Variants in CC2D1B observed in about 807,000 individuals in gnomAD.
CC2D1B encodes the protein coiled-coil and C2 domain-containing protein 1B.
Under a neutral mutation model 110.8 loss-of-function variants are expected in CC2D1B, and 92 were observed. That is an observed-to-expected ratio of 0.83 (90% CI 0.70 to 0.99). CC2D1B has a LOEUF of 0.99. Ranked by LOEUF, CC2D1B falls within the 50% of genes least tolerant of loss-of-function variation. The pLI is 0.00. For missense variants in CC2D1B, 1,136 were observed against 1,089.0 expected, an observed-to-expected ratio of 1.04 and a Z score of -0.61; for synonymous variants, 406 against 429.2, an observed-to-expected ratio of 0.95 and a Z score of 0.67.
In CC2D1B at chr1:52,362,740, G is replaced by GCC. The variant is rs1557555957; in HGVS notation, c.74_75dup (p.Leu26GlyfsTer82). 6.2e-7 allele frequency: 1 copy of GCC among 1,613,874 alleles called. No homozygotes were observed. The highest frequency in any genetic ancestry group is 1.7e-5 in the Admixed American group (1 of 59,996). On this transcript the variant is annotated frameshift_variant, in exon 3 of 25. Coordinates refer to ENST00000284376, the MANE Select transcript of CC2D1B (RefSeq NM_001330585.2). LOFTEE classifies it high-confidence loss of function. ...TCCTCAGGGCCAAACTCCATAAAGA[G>GCC]CCCCATCTGAGAGCAGAGCAGGACT...
At chr1:52,354,504 A>C (rs756159261) in intron 23 of CC2D1B, 104 bp downstream of exon 23, 1 of 961,692 alleles carries the variant, frequency 1.0e-6, no homozygotes, top group East Asian at 2.4e-5. Flanking sequence ...GGAGAATTTC[A>C]AATTAAGTAA....
rs535099230 is a variant in CC2D1B, at chr1:52,355,925, G to A, written c.2055-81C>T. On this transcript the variant is annotated intron_variant, in intron 18 of 24. Coordinates refer to ENST00000284376, the MANE Select transcript of CC2D1B (RefSeq NM_001330585.2). ...AGGTCCCTTCGTCCAGGGCCTGTCT[G>A]CCCAGCTGGGTGGTGACGGGAGGGA... 111 of 1,421,616 alleles carry A rather than the reference G, an allele frequency of 7.8e-5. No homozygotes were observed. In the South Asian group the frequency reaches 1.2e-3, roughly 15 times the overall value. 88.1% of individuals were successfully genotyped at this position (1,421,616 alleles called of 1,614,324 possible).
Position 52,361,617 on chromosome 1 carries a change from C to T in CC2D1B, c.215-1G>A, listed in dbSNP as rs1646784931. ...TCGATGTGGGCCATGGGCAGGGGGG[C>T]TGGGGGAAAAAGGTCACAACAAGTC... is the stretch of plus-strand genomic sequence containing the variant. On this transcript the variant is annotated splice_acceptor_variant, in intron 3 of 24. Coordinates refer to ENST00000284376, the MANE Select transcript of CC2D1B (RefSeq NM_001330585.2). LOFTEE classifies it high-confidence loss of function. 1.2e-6 allele frequency: 2 copies of T among 1,613,536 alleles called. No homozygotes were observed. Among genetic ancestry groups the T allele is most frequent in the South Asian group, 1.1e-5 (1 of 91,088 alleles).
At chr1:52,362,800 G>A (rs1263032405) in intron 2 of CC2D1B, 54 bp from the exon 3 acceptor site, 1 of 1,587,394 alleles carries the variant, frequency 6.3e-7, no homozygotes. Context: ...GTAGGGTCCA[G>A]CTCCAGAGCC....
At chr1:52,356,476 CAG>C (rs1451031428) in intron 16 of CC2D1B, 34 bp from the exon 17 acceptor site, 7 of 1,612,606 alleles carry the variant, frequency 4.3e-6, no homozygotes, top group African/African-American at 1.3e-5. Context: ...CTCCCGAGCC[CAG>C]AGCAGGACCT....
rs887775562 is a variant in CC2D1B, at chr1:52,354,476, T to A, written c.2430+132A>T. 4.8e-6 allele frequency: 4 copies of A among 830,014 alleles called. No homozygotes were observed. In the African/African-American group the frequency reaches 6.7e-5, roughly 14 times the overall value. 51.4% of individuals were successfully genotyped at this position (830,014 alleles called of 1,614,324 possible). ...CCATCTGTGAAATGAGGATTCCACCTACTCTAAGCACACTTGTGGAGAATT... is the reference window on the plus strand; with the variant it reads ...CCATCTGTGAAATGAGGATTCCACCAACTCTAAGCACACTTGTGGAGAATT... On this transcript the variant is annotated intron_variant, in intron 23 of 24. Coordinates refer to ENST00000284376, the MANE Select transcript of CC2D1B (RefSeq NM_001330585.2).
chr1:52,357,126 C>G lies in CC2D1B; in HGVS notation c.1753G>C (p.Val585Leu). The G allele has an allele frequency of 2.5e-6, 4 of 1,613,958 alleles. No individual in the cohort carries two copies. The highest frequency in any genetic ancestry group is 1.1e-5 in the South Asian group (1 of 91,038). ...TCCTCATCCGTCAAGGGCGAAGGCACCTACCCAGGTCACAAGGCCCCTCGG... is the reference window on the plus strand; with the variant it reads ...TCCTCATCCGTCAAGGGCGAAGGCAGCTACCCAGGTCACAAGGCCCCTCGG... ...RSGRPVDLSK[V>L]PSPLTDEEGD... Residue 585 changes from valine (V) to leucine (L), a missense_variant and splice_region_variant, in exon 16 of 25, where the codon GTG (valine) becomes CTG (leucine). By Grantham distance (32) the Val-to-Leu change is conservative (BLOSUM62 1). Coordinates refer to ENST00000284376, the MANE Select transcript of CC2D1B (RefSeq NM_001330585.2).
In CC2D1B at chr1:52,357,713, C is replaced by T; in HGVS notation, c.1580-15G>A. On this transcript the variant is annotated splice_polypyrimidine_tract_variant and intron_variant, in intron 14 of 24. Coordinates refer to ENST00000284376, the MANE Select transcript of CC2D1B (RefSeq NM_001330585.2). ...CTGCTCCCGCACTGAAGGGAGAAGG[C>T]CACTGGTTAGGGCCACACCTGCCCT... is the stretch of plus-strand genomic sequence containing the variant. 1 of 1,609,820 alleles carries T rather than the reference C, an allele frequency of 6.2e-7. No individual in the cohort carries two copies. Among genetic ancestry groups the T allele is most frequent in the Non-Finnish European group, 8.5e-7 (1 of 1,178,018 alleles).
Position 52,355,611 on chromosome 1 carries a change from G to A in CC2D1B, c.2184C>T (p.Asn728=), listed in dbSNP as rs777870932. 5.6e-6 allele frequency: 9 copies of A among 1,614,078 alleles called. No individual in the cohort carries two copies. In the East Asian group the frequency reaches 1.3e-4, roughly 24 times the overall value. The change falls in exon 20 of 25, where the codon AAC becomes AAT. Residue 728 remains asparagine (N), a synonymous_variant. Transcript: ENST00000284376. ...AFVRFEFHYP[N]SDQAQKSKTA... ...CCTACTTCTACCTGAACCTCACCGAGTTAGGGTAGTGAAACTCAAACCGCA... is the reference window on the plus strand; with the variant it reads ...CCTACTTCTACCTGAACCTCACCGAATTAGGGTAGTGAAACTCAAACCGCA...
Position 52,359,500 on chromosome 1 carries a change from C to T in CC2D1B, c.977G>A (p.Gly326Glu), listed in dbSNP as rs977953301. Residue 326 changes from glycine (G) to glutamate (E), a missense_variant, in exon 9 of 25, where the codon GGG (glycine) becomes GAG (glutamate). Gly to Glu is a moderately conservative substitution (Grantham distance 98). Transcript: ENST00000284376. ...FGAVLEALEK[G>E]QPVDLSAMPP... ...CATGGCACTCAGATCCACGGGCTGC[C>T]CCTTCTCCAGGGCCTCCAGGACAGC... is the stretch of plus-strand genomic sequence containing the variant. 1 of 1,613,988 alleles carries T rather than the reference C, an allele frequency of 6.2e-7. No individual in the cohort carries two copies. The highest frequency in any genetic ancestry group is 1.3e-5 in the African/African-American group (1 of 74,932).
chr1:52,358,162 C>A, intron 13 of CC2D1B, 169 bp downstream of exon 13: 1 of 1,010,746 alleles, frequency 9.9e-7, no homozygotes, highest in African/African-American at 1.6e-5. Flanking sequence ...TGGTTTGAAT[C>A]CTAGTTCTGC....
chr1:52,352,543 TTATATA>T lies in CC2D1B; in HGVS notation c.*676_*681del, dbSNP rs1646547701. On this transcript the variant is annotated 3_prime_UTR_variant, in exon 25 of 25. Coordinates refer to ENST00000284376, the MANE Select transcript of CC2D1B (RefSeq NM_001330585.2). ...TAAATAAACGTGTCTACATAAAATT[TTATATA>T]TATATTTTTTCTTCCAGTTAACAGT... The T allele has an allele frequency of 6.6e-6, 1 of 152,560 alleles. No individual in the cohort carries two copies. The highest frequency in any genetic ancestry group is 1.5e-5 in the Non-Finnish European group (1 of 68,016). The allele number at this position is 152,560 out of a possible 1,614,324, so 9.5% of individuals were successfully genotyped here. A position where few individuals can be genotyped will look rare whatever the true frequency, so the allele number is the denominator to read the frequency against.
At chr1:52,359,570 CAG>C (rs768939394) in intron 8 of CC2D1B, 36 bp from the exon 9 acceptor site, 41 of 1,606,834 alleles carry the variant, frequency 2.6e-5, no homozygotes, top group African/African-American at 4.0e-5. Flanking sequence ...GGGTGAAAGA[CAG>C]GGGACCCCAA....
chr1:52,355,299 G>T, intron 21 of CC2D1B, 99 bp downstream of exon 21: 1 of 1,230,270 alleles, frequency 8.1e-7, no homozygotes, highest in Non-Finnish European at 1.2e-6. Context: ...CCCAAGTGGG[G>T]TGGATCAAGT....
In CC2D1B at chr1:52,359,254, G is replaced by C. The variant is rs772327286; in HGVS notation, c.1122C>G (p.Thr374=). The change falls in exon 10 of 25, where the codon ACC becomes ACG. Residue 374 remains threonine, a synonymous_variant. Coordinates refer to ENST00000284376, the MANE Select transcript of CC2D1B (RefSeq NM_001330585.2). ...AGTCCCACCATCCTGCCCTACCTGG[G>C]GTTGCTGGGACGTCAGGGGCCATCA... is the stretch of plus-strand genomic sequence containing the variant. ...QPVMAPDVPA[T]PVAPTESQTV... The C allele has an allele frequency of 1.1e-5, 17 of 1,612,388 alleles. No homozygotes were observed. The East Asian group carries it at 3.8e-4, about 36-fold the overall frequency.
rs1646874930 is a variant in CC2D1B, at chr1:52,366,072, G to A, written c.-18C>T. On this transcript the variant is annotated 5_prime_UTR_variant, in exon 1 of 25. Transcript: ENST00000284376. ...GAGGGGCGGGGACGCGGCATACCTC[G>A]CGGTGAATCCGAGCCAAACCCCGGC... The A allele has an allele frequency of 6.6e-6, 1 of 152,252 alleles. No individual in the cohort carries two copies. Among genetic ancestry groups the A allele is most frequent in the Non-Finnish European group, 1.5e-5 (1 of 68,110 alleles). 9.4% of individuals were successfully genotyped at this position (152,252 alleles called of 1,614,324 possible).
At chr1:52,354,226 G>C (rs918041404) in intron 23 of CC2D1B, 8 of 387,926 alleles carry the variant, frequency 2.1e-5, no homozygotes, top group Non-Finnish European at 3.5e-5. Flanking sequence ...ACAGTGGGAA[G>C]AGCCCCAGCC....
At position 52,362,739 on chromosome 1, in the gene CC2D1B, AG is replaced by A. The variant is rs1409664952; in HGVS notation, c.76del (p.Leu26SerfsTer81). 1.2e-6 allele frequency: 2 copies of A among 1,613,890 alleles called. No homozygotes were observed. Among genetic ancestry groups the A allele is most frequent in the Non-Finnish European group, 1.7e-6 (2 of 1,180,020 alleles). Reference sequence around the variant, plus strand: ...GTCCTCAGGGCCAAACTCCATAAAGAGCCCCATCTGAGAGCAGAGCAGGACT... The same window carrying A: ...GTCCTCAGGGCCAAACTCCATAAAGACCCCATCTGAGAGCAGAGCAGGACT... The part of the protein sequence containing the change: ...QGVAAAKQMG[L>X]FMEFGPEDML... On this transcript the variant is annotated frameshift_variant, in exon 3 of 25. Coordinates refer to ENST00000284376, the MANE Select transcript of CC2D1B (RefSeq NM_001330585.2). LOFTEE classifies it high-confidence loss of function.
At chr1:52,366,046 C>G (rs1391532082) in intron 1 of CC2D1B, 23 bp downstream of exon 1, 1 of 152,320 alleles carries the variant, frequency 6.6e-6, no homozygotes, top group Non-Finnish European at 1.5e-5. Flanking sequence ...CTCCCCACGC[C>G]GAGGGGCGGG....
Sources: gnomAD v4.1 joint callset for allele counts on GRCh38, gnomAD v4.1.1 for gene constraint, MANE v1.5 for transcripts, NCBI Gene and HGNC (gene_info 2026-07-23, HGNC 2026-07-21) for gene names.